The following TINAG variants were observed in gnomAD, a reference collection of about 807,000 sequenced individuals.
The protein encoded by TINAG is tubulointerstitial nephritis antigen.
A neutral mutation model predicts 72.7 loss-of-function variants in TINAG; 83 were observed. The observed-to-expected ratio is 1.14, with a 90% CI of 0.96 to 1.37. The LOEUF is 1.37. Ranked by LOEUF, TINAG falls within the 40% of genes most tolerant of loss-of-function variation. The pLI is 0.00. For missense variants in TINAG, 685 were observed against 576.6 expected (o/e 1.19, Z -1.93); for synonymous variants, 234 against 189.9 (o/e 1.23, Z -1.91).
intron 7 of TINAG, 127 bp from the exon 8 acceptor site, chr6:54,351,224 CA>C (rs1429783840): frequency 4.3e-6 from 3 of 700,024 alleles, no homozygotes; most frequent in African/African-American, 3.7e-5. Context: ...ATTAATGTAG[CA>C]TAATATACGT....
chr6:54,389,395 T>G (rs1764183184), intron 10 of TINAG, among the ~76,000 whole-genome samples: 1 of 152,202 alleles, frequency 6.6e-6, no homozygotes, highest in Non-Finnish European at 1.5e-5. Flanking sequence ...TGGTCATTCT[T>G]CATTAGATTA....
rs764312418 is a variant in TINAG, at chr6:54,347,516, G to A, written c.898G>A (p.Gly300Arg). The A allele has an allele frequency of 6.2e-7, 1 of 1,612,018 alleles. No individual in the cohort carries two copies. Among genetic ancestry groups the A allele is most frequent in the South Asian group, 1.1e-5 (1 of 90,888 alleles). The change falls in exon 6 of 11, where the codon GGA (glycine) becomes AGA (arginine). Residue 300 changes from glycine (G) to arginine (R), a missense_variant and splice_region_variant. Physicochemically the swap from Gly to Arg is moderately radical, Grantham distance 125. Transcript: ENST00000259782. Reference sequence around the variant, plus strand: ...GGCTTGGTGGTACCTGAGAAAACGTGGGTAAATAGCTGCTCAACATGTGTT... The same window carrying A: ...GGCTTGGTGGTACCTGAGAAAACGTAGGTAAATAGCTGCTCAACATGTGTT... ...DRAWWYLRKRGLVSHACYPLF... is the reference protein window; with the variant it reads ...DRAWWYLRKRRLVSHACYPLF...
chr6:54,356,785 ATC>A (rs548695451), intron 9 of TINAG, among the ~76,000 whole-genome samples: 367 of 151,724 alleles, frequency 2.4e-3, no homozygotes, highest in Middle Eastern at 6.8e-3. Flanking sequence ...TCTTGTCTAA[ATC>A]TCTCTTCATT....
chr6:54,317,929 T>C (rs1198564839), intron 1 of TINAG, among the ~76,000 whole-genome samples: 2 of 152,146 alleles, frequency 1.3e-5, no homozygotes, highest in Non-Finnish European at 2.9e-5. Flanking sequence ...ATGTCTGTTT[T>C]TGTGTTCTTG....
intron 7 of TINAG, among the ~76,000 whole-genome samples, chr6:54,350,338 T>A (rs1253521960): frequency 6.6e-6 from 1 of 152,016 alleles, no homozygotes; most frequent in Non-Finnish European, 1.5e-5. Context: ...GTTAAAAGCC[T>A]AGGCGAATTT....
At position 54,331,083 on chromosome 6, in the gene TINAG, G is replaced by A. The variant is rs150524250; in HGVS notation, c.624+4167G>A. Among the ~76,000 whole-genome samples the A allele has an allele frequency of 2.2e-3, 340 of 152,274 alleles. 1 individual carries two copies. The highest frequency in any genetic ancestry group is 7.3e-3 in the African/African-American group (305 of 41,558). On this transcript the variant is annotated intron_variant, in intron 4 of 10. Coordinates refer to ENST00000259782, the MANE Select transcript of TINAG (RefSeq NM_014464.4). ...AACTATTCTAAACAATAGAAAAAGAGTGACTCCTCCCTAACTCATTTTATG... is the reference window on the plus strand; with the variant it reads ...AACTATTCTAAACAATAGAAAAAGAATGACTCCTCCCTAACTCATTTTATG...
At chr6:54,334,755 C>T (rs993373201) in intron 4 of TINAG, among the ~76,000 whole-genome samples, 19 of 152,258 alleles carry the variant, frequency 1.2e-4, no homozygotes, top group Admixed American at 3.9e-4. Context: ...AGTCTACTTA[C>T]TCCAGTTAGT....
chr6:54,377,885 G>A (rs1327230723), intron 9 of TINAG, among the ~76,000 whole-genome samples: 1 of 152,130 alleles, frequency 6.6e-6, no homozygotes, highest in East Asian at 1.9e-4. Context: ...TTTTGCACTA[G>A]TTAACCTTTA....
intron 9 of TINAG, among the ~76,000 whole-genome samples, chr6:54,379,968 C>T (rs1312287237): frequency 6.6e-6 from 1 of 151,914 alleles, no homozygotes; most frequent in Non-Finnish European, 1.5e-5. Context: ...TGTGATGGTC[C>T]CTTCCCTGTG....
chr6:54,320,440 A>G (rs888276926), intron 1 of TINAG, 139 bp from the exon 2 acceptor site: 2 of 590,834 alleles, frequency 3.4e-6, no homozygotes, highest in Non-Finnish European at 5.7e-6. Context: ...CAAACCTGAC[A>G]TGGATTTCTA....
intron 4 of TINAG, among the ~76,000 whole-genome samples, chr6:54,334,727 C>G (rs1045396944): frequency 6.6e-6 from 1 of 152,136 alleles, no homozygotes; most frequent in Non-Finnish European, 1.5e-5. Flanking sequence ...TTGGCCAATG[C>G]TAATTGGAAC....
chr6:54,374,780 T>C (rs1310332479), intron 9 of TINAG, among the ~76,000 whole-genome samples: 2 of 152,126 alleles, frequency 1.3e-5, no homozygotes, highest in Admixed American at 1.3e-4. Context: ...ATTTCCTTAA[T>C]AAGAAGGGTT....
At chr6:54,375,182 G>A (rs1242172581) in intron 9 of TINAG, among the ~76,000 whole-genome samples, 2 of 152,152 alleles carry the variant, frequency 1.3e-5, no homozygotes, top group East Asian at 1.9e-4. Flanking sequence ...CTAAGCAAAT[G>A]TGTTCTTAAC....
At chr6:54,346,526 T>C (rs1159475083) in intron 5 of TINAG, among the ~76,000 whole-genome samples, 1 of 151,380 alleles carries the variant, frequency 6.6e-6, no homozygotes, top group Non-Finnish European at 1.5e-5. Context: ...AGCTATTAGA[T>C]TGTATATATA....
intron 1 of TINAG, among the ~76,000 whole-genome samples, chr6:54,309,577 G>A (rs1447736814): frequency 6.6e-6 from 1 of 152,118 alleles, no homozygotes; most frequent in African/African-American, 2.4e-5. Context: ...ACAATATAAA[G>A]AGGATGATGG....
At chr6:54,374,053 T>A (rs74553590) in intron 9 of TINAG, among the ~76,000 whole-genome samples, 1,670 of 152,236 alleles carry the variant, frequency 0.011, 34 homozygotes, top group African/African-American at 0.039. Context: ...CAGGTCATTC[T>A]GACCAGAGTA....
At chr6:54,339,491 G>A (rs1342437125) in intron 4 of TINAG, among the ~76,000 whole-genome samples, 1 of 152,172 alleles carries the variant, frequency 6.6e-6, no homozygotes, top group Non-Finnish European at 1.5e-5. Context: ...GATCTCAGAA[G>A]CTACTTTACA....
At chr6:54,342,998 T>G (rs1348060046) in intron 4 of TINAG, among the ~76,000 whole-genome samples, 1 of 152,208 alleles carries the variant, frequency 6.6e-6, no homozygotes, top group Admixed American at 6.5e-5. Flanking sequence ...AGTAAAACCA[T>G]TCTATGTATT....
At chr6:54,386,385 G>A (rs1396867158) in intron 10 of TINAG, among the ~76,000 whole-genome samples, 1 of 152,142 alleles carries the variant, frequency 6.6e-6, no homozygotes, top group Non-Finnish European at 1.5e-5. Flanking sequence ...CCATCAAAGT[G>A]TTGTCTGAGT....
Sources: allele counts gnomAD v4.1 joint callset (sites outside exome capture counted in the v4.1 genomes callset), GRCh38; gene constraint gnomAD v4.1.1; transcripts MANE v1.5; gene names NCBI Gene and HGNC (gene_info 2026-07-23, HGNC 2026-07-21).